Variants in LPIN3 observed in about 807,000 individuals in gnomAD.
The protein encoded by LPIN3 is phosphatidate phosphatase LPIN3.
In LPIN3, 82 loss-of-function variants were observed where a neutral mutation model predicts 94.7. The observed-to-expected ratio is 0.87, with a 90% confidence interval of 0.72 to 1.04. The LOEUF (loss-of-function observed/expected upper bound fraction) is 1.04. Ranked by LOEUF, LPIN3 falls within the 50% of genes least tolerant of loss-of-function variation. The pLI is 0.00. For synonymous variants in LPIN3, 418 were observed against 443.3 expected, an observed-to-expected ratio of 0.94 and a Z score of 0.72; for missense variants, 996 against 1,090.5, an observed-to-expected ratio of 0.91 and a Z score of 1.22.
chr20:41,354,258 C>T (rs1463801698), intron 11 of LPIN3, among the ~76,000 whole-genome samples: 1 of 152,114 alleles, frequency 6.6e-6, no homozygotes, highest in Non-Finnish European at 1.5e-5. Flanking sequence ...GAGGGGAGTA[C>T]CAGCTAAAGA....
chr20:41,349,288 C>A, intron 5 of LPIN3, 116 bp downstream of exon 5: 1 of 828,812 alleles, frequency 1.2e-6, no homozygotes, highest in Non-Finnish European at 1.9e-6. Flanking sequence ...ACTAGCCATT[C>A]GTATTTTTCC....
chr20:41,356,074 G>C (rs2046199860), intron 14 of LPIN3, 40 bp downstream of exon 14: 1 of 1,603,694 alleles, frequency 6.2e-7, no homozygotes, highest in Admixed American at 1.7e-5. Flanking sequence ...GGGAGGGGCT[G>C]AGCTAATTCT....
intron 14 of LPIN3, 30 bp from the exon 15 acceptor site, chr20:41,357,010 C>T (rs916321134): frequency 6.2e-7 from 1 of 1,600,288 alleles, no homozygotes; most frequent in South Asian, 1.1e-5. Flanking sequence ...TGTCATCAAT[C>T]ACGACACACC....
At position 41,355,916 on chromosome 20, in the gene LPIN3, G is replaced by A. The variant is rs765377061; in HGVS notation, c.1685G>A (p.Ser562Asn). Residue 562 changes from serine (S) to asparagine (N), a missense_variant, in exon 14 of 20, where the codon AGC becomes AAC. Physicochemically the swap from Ser to Asn is conservative, Grantham distance 46. Transcript: ENST00000373257. ...EQQGEKTEVL[S>N]SDDDAPDSPV... Reference sequence around the variant, plus strand: ...CACAGGGAGAAGACAGAAGTCCTGAGCAGTGATGACGATGCCCCAGACAGC... The same window carrying A: ...CACAGGGAGAAGACAGAAGTCCTGAACAGTGATGACGATGCCCCAGACAGC... The A allele has an allele frequency of 4.3e-6, 7 of 1,614,024 alleles. No individual in the cohort carries two copies. The highest frequency in any genetic ancestry group is 5.9e-6 in the Non-Finnish European group (7 of 1,180,010).
rs1476643245 is a variant in LPIN3 at position 41,357,412 on chromosome 20, C to A, written c.2004C>A (p.His668Gln). 1 of 1,613,956 alleles carries A rather than the reference C, an allele frequency of 6.2e-7. No homozygotes were observed. Among genetic ancestry groups the A allele is most frequent in the Admixed American group, 1.7e-5 (1 of 60,024 alleles). ...CCCAGCTGGGGAAAGACTGGACACA[C>A]CAGGGCATCACCAGTCTCTATCACA... Reference protein sequence around the residue: ...ILPQLGKDWTHQGITSLYHKI... With the variant: ...ILPQLGKDWTQQGITSLYHKI... The change falls in exon 16 of 20, where the codon CAC (histidine) becomes CAA (glutamine). Residue 668 changes from histidine (H) to glutamine (Q), a missense_variant. His to Gln is a conservative substitution (Grantham distance 24, BLOSUM62 0). Transcript: ENST00000373257.
Position 41,355,288 on chromosome 20 carries a change from C to T in LPIN3, c.1664+425C>T, listed in dbSNP as rs1421215083. On this transcript the variant is annotated intron_variant, in intron 13 of 19. Transcript: ENST00000373257. ...TTGGCATCCCAGAGTGTTGGGATTACAGGCGTGAGCCACCGCAAGCACTTC... is the reference window on the plus strand; with the variant it reads ...TTGGCATCCCAGAGTGTTGGGATTATAGGCGTGAGCCACCGCAAGCACTTC... Among the ~76,000 whole-genome samples, 5 of 152,224 alleles carry T rather than the reference C, an allele frequency of 3.3e-5. No individual in the cohort carries two copies. In the East Asian group the frequency reaches 9.6e-4, roughly 29 times the overall value.
chr20:41,347,823 G>A (rs1417948331), intron 3 of LPIN3, among the ~76,000 whole-genome samples, 176 bp downstream of exon 3: 1 of 152,208 alleles, frequency 6.6e-6, no homozygotes, highest in Non-Finnish European at 1.5e-5. Context: ...TATGCTGTGG[G>A]GGCCCAGAGG....
At chr20:41,352,532 G>T (rs1010266227) in intron 9 of LPIN3, 74 bp from the exon 10 acceptor site, 1 of 1,300,042 alleles carries the variant, frequency 7.7e-7, no homozygotes, top group South Asian at 1.2e-5. Flanking sequence ...GCAGAGTGGG[G>T]AGCACCAGGG....
In LPIN3 at chr20:41,347,580, T is replaced by C. The variant is rs2045828696; in HGVS notation, c.221T>C (p.Val74Ala). Reference sequence around the variant, plus strand: ...GACATTGAGCTCAATGGGGAGCCTGTGGACTTGCACATGAAGCTTGGGGAC... The same window carrying C: ...GACATTGAGCTCAATGGGGAGCCTGCGGACTTGCACATGAAGCTTGGGGAC... ...VVDIELNGEPVDLHMKLGDSG... is the reference protein window; with the variant it reads ...VVDIELNGEPADLHMKLGDSG... The change falls in exon 3 of 20, where the codon GTG becomes GCG. Residue 74 changes from valine to alanine, a missense_variant. Physicochemically the swap from Val to Ala is moderately conservative, Grantham distance 64 (BLOSUM62 0). Transcript: ENST00000373257. 6.2e-7 allele frequency: 1 copy of C among 1,614,074 alleles called. No individual in the cohort carries two copies. The highest frequency in any genetic ancestry group is 1.3e-5 in the African/African-American group (1 of 74,950).
chr20:41,346,595 G>T (rs1267757949), intron 2 of LPIN3, among the ~76,000 whole-genome samples: 1 of 152,142 alleles, frequency 6.6e-6, no homozygotes, highest in Non-Finnish European at 1.5e-5. Flanking sequence ...AGAAAAATTA[G>T]CCGGGTGTGG....
At chr20:41,351,728 C>A in intron 7 of LPIN3, 93 bp from the exon 8 acceptor site, 1 of 1,108,372 alleles carries the variant, frequency 9.0e-7, no homozygotes, top group Non-Finnish European at 1.3e-6. Context: ...TGCTGGGCAG[C>A]ACTGCCTTAG....
intron 14 of LPIN3, 21 bp downstream of exon 14, chr20:41,356,055 TGGAG>T: frequency 6.2e-7 from 1 of 1,610,118 alleles, no homozygotes; most frequent in Non-Finnish European, 8.5e-7. Flanking sequence ...GTTGTCTGTG[TGGAG>T]GTTGGGGAGG....
rs146167352 is a variant in LPIN3 at position 41,352,135 on chromosome 20, T to C, written c.1278T>C (p.His426=). Residue 426 remains histidine (H), a synonymous_variant, in exon 9 of 20, where the codon CAT becomes CAC. Transcript: ENST00000373257. The part of the protein sequence containing the change: ...QKSLRDPNPE[H]EPEPTLDTVD... Reference sequence around the variant, plus strand: ...CCCTGAGGGACCCCAACCCTGAACATGAACCTGAACCCACTCTGGACACAG... The same window carrying C: ...CCCTGAGGGACCCCAACCCTGAACACGAACCTGAACCCACTCTGGACACAG... The C allele has an allele frequency of 8.1e-4, 1,300 of 1,614,202 alleles. 10 individuals carry two copies. Among genetic ancestry groups the C allele is most frequent in the South Asian group, 7.0e-3 (634 of 91,084 alleles).
intron 2 of LPIN3, among the ~76,000 whole-genome samples, chr20:41,347,054 G>GT (rs1396662186): frequency 2.0e-5 from 3 of 152,168 alleles, no homozygotes; most frequent in African/African-American, 7.2e-5. Context: ...TAAAGTGGAG[G>GT]TAATGATAGG....
Position 41,360,301 on chromosome 20 carries a change from C to G in LPIN3, c.*1435C>G, listed in dbSNP as rs1249992859. ...AAGGCTTGGAGCCCCTTTCCTCCAG[C>G]TGGTGGCTCCTTCTCAGGGCCTGGC... On this transcript the variant is annotated 3_prime_UTR_variant, in exon 20 of 20. Coordinates refer to ENST00000373257, the MANE Select transcript of LPIN3 (RefSeq NM_022896.3). 1.3e-5 allele frequency: 2 copies of G among 152,282 alleles called. No homozygotes were observed. The highest frequency in any genetic ancestry group is 4.8e-5 in the African/African-American group (2 of 41,446). The allele number at this position is 152,282 out of a possible 1,614,324, so 9.4% of individuals were successfully genotyped here.
chr20:41,348,530 G>A lies in LPIN3; in HGVS notation c.289-89G>A, dbSNP rs76526809. On this transcript the variant is annotated intron_variant, in intron 3 of 19. Transcript: ENST00000373257. Reference sequence around the variant, plus strand: ...CCCTAAATGAGCTCACTCCAGGGCTGGGACCCAGGCAAGGCTCAAGATGAC... The same window carrying A: ...CCCTAAATGAGCTCACTCCAGGGCTAGGACCCAGGCAAGGCTCAAGATGAC... The A allele has an allele frequency of 2.2e-3, 3,399 of 1,512,780 alleles. 122 individuals are homozygous for A. In the East Asian group the frequency reaches 0.067, roughly 30 times the overall value. 93.7% of individuals were successfully genotyped at this position (1,512,780 alleles called of 1,614,324 possible).
chr20:41,346,450 T>A lies in LPIN3; in HGVS notation c.192+455T>A, dbSNP rs532700539. On this transcript the variant is annotated intron_variant, in intron 2 of 19. Transcript: ENST00000373257. ...ATGTTAGTTTCTCTCTCTTAATAAA[T>A]CCACTTCAGGCTGGGCATGGTGGCT... Among the ~76,000 whole-genome samples the A allele has an allele frequency of 1.2e-3, 190 of 152,318 alleles. 2 individuals are homozygous for A. Among genetic ancestry groups the A allele is most frequent in the South Asian group, 7.5e-3 (36 of 4,830 alleles).
chr20:41,346,595 G>C (rs1267757949), intron 2 of LPIN3, among the ~76,000 whole-genome samples: 1 of 152,142 alleles, frequency 6.6e-6, no homozygotes, highest in Non-Finnish European at 1.5e-5. Flanking sequence ...AGAAAAATTA[G>C]CCGGGTGTGG....
chr20:41,358,195 C>G (rs368954485), intron 17 of LPIN3, 42 bp from the exon 18 acceptor site: 3 of 1,603,950 alleles, frequency 1.9e-6, no homozygotes, highest in Non-Finnish European at 1.7e-6. Flanking sequence ...GGCTTCTTCC[C>G]TACTTTGGCC....
Sources: gnomAD v4.1 joint callset for allele counts (sites outside exome capture counted in the v4.1 genomes callset) on GRCh38, gnomAD v4.1.1 for gene constraint, MANE v1.5 for transcripts, NCBI Gene and HGNC (gene_info 2026-07-23, HGNC 2026-07-21) for gene names.